Variants in PCDHGB2 observed in about 807,000 individuals in gnomAD.
The protein encoded by PCDHGB2 is protocadherin gamma-B2.
PCDHGB2 carries 55 observed loss-of-function variants against 59.3 expected under a neutral mutation model. The observed-to-expected ratio is 0.93, with a 90% CI of 0.75 to 1.16. The LOEUF (loss-of-function observed/expected upper bound fraction) is 1.16, where lower values mean the gene tolerates loss of function less well. PCDHGB2 is among the 50% of genes most tolerant of loss of function. The pLI is 0.00. For missense variants in PCDHGB2, 1,228 were observed against 1,198.5 expected, an observed-to-expected ratio of 1.02 and a Z score of -0.36; for synonymous variants, 516 against 512.0, an observed-to-expected ratio of 1.01 and a Z score of -0.11.
In PCDHGB2 at chr5:141,414,189, G is replaced by C. The variant is rs1674006167; in HGVS notation, c.2421+51633G>C. ...CATATCTTGCAACTGCAAAAGTGTT[G>C]ATTACAGTAGAAGATGTAAATGACA... On this transcript the variant is annotated intron_variant, in intron 1 of 3. Transcript: ENST00000522605. 3.1e-6 allele frequency: 5 copies of C among 1,609,966 alleles called. No homozygotes were observed. The highest frequency in any genetic ancestry group is 3.4e-6 in the Non-Finnish European group (4 of 1,177,924).
chr5:141,415,967 C>A, intron 1 of PCDHGB2: 1 of 389,100 alleles, frequency 2.6e-6, no homozygotes, highest in Non-Finnish European at 4.2e-6. Context: ...AACTCCAGCC[C>A]CTTAAGCAAC....
At chr5:141,393,243 G>A in intron 1 of PCDHGB2, 4 of 1,613,784 alleles carry the variant, frequency 2.5e-6, no homozygotes, top group Non-Finnish European at 3.4e-6. Flanking sequence ...AAAAATTAAC[G>A]AAATCGCGGT....
chr5:141,380,578 G>A (rs532519748), intron 1 of PCDHGB2, among the ~76,000 whole-genome samples: 19 of 152,144 alleles, frequency 1.2e-4, no homozygotes, highest in African/African-American at 3.4e-4. Flanking sequence ...ATATCTTGGC[G>A]GTCTAGTAAA....
At position 141,431,389 on chromosome 5, in the gene PCDHGB2, G is replaced by A; in HGVS notation, c.2422-63418G>A. 2 of 1,613,876 alleles carry A rather than the reference G, an allele frequency of 1.2e-6. No individual in the cohort carries two copies. The highest frequency in any genetic ancestry group is 1.7e-6 in the Non-Finnish European group (2 of 1,180,040). ...GCGAAGAAAAGGCTGCTCACCACCT[G>A]GTCCTTACGGCCTCCGACGGGGGCG... On this transcript the variant is annotated intron_variant, in intron 1 of 3. Coordinates refer to ENST00000522605, the MANE Select transcript of PCDHGB2 (RefSeq NM_018923.3). This position sits in a 1 kb window ranked among gnomAD's most constrained non-coding sequence, Gnocchi z 4.8.
chr5:141,367,702 CTTAAGG>C (rs1765297530), intron 1 of PCDHGB2: 1 of 151,984 alleles, frequency 6.6e-6, no homozygotes, highest in Admixed American at 6.6e-5. Flanking sequence ...GTAAAGGAAC[CTTAAGG>C]TTGGGCTTCG....
intron 1 of PCDHGB2, among the ~76,000 whole-genome samples, chr5:141,484,720 G>A (rs1458277947): frequency 2.6e-5 from 4 of 151,988 alleles, no homozygotes; most frequent in African/African-American, 7.2e-5. Flanking sequence ...GAAAAGGGGC[G>A]GGGTCAGTCG....
At chr5:141,370,339 ATTAT>A (rs1300420900) in intron 1 of PCDHGB2, 18 of 1,464,644 alleles carry the variant, frequency 1.2e-5, no homozygotes, top group Non-Finnish European at 1.7e-5. Flanking sequence ...AACTCTTGGG[ATTAT>A]TTAAAGATCT....
chr5:141,405,410 TTTTTGTTTTTTG>T lies in PCDHGB2; in HGVS notation c.2421+42864_2421+42875del, dbSNP rs1345529499. 4 of 1,557,296 alleles carry T rather than the reference TTTTTGTTTTTTG, an allele frequency of 2.6e-6. No individual in the cohort carries two copies. In the South Asian group the frequency reaches 4.6e-5, roughly 18 times the overall value. ...ATTTTTTTTCTTTCTTTCTTTTCTT[TTTTTGTTTTTTG>T]TTTTGTTTTGTTTTTGAGACAGAGT... On this transcript the variant is annotated intron_variant, in intron 1 of 3. Transcript: ENST00000522605.
intron 1 of PCDHGB2, among the ~76,000 whole-genome samples, chr5:141,458,412 G>A (rs2098945236): frequency 6.6e-6 from 1 of 152,034 alleles, no homozygotes; most frequent in Non-Finnish European, 1.5e-5. Context: ...ACGGAGCGGG[G>A]GTTCCAAAGC....
At chr5:141,385,542 A>G in intron 1 of PCDHGB2, 1 of 1,327,542 alleles carries the variant, frequency 7.5e-7, no homozygotes. Context: ...GAATATGTGG[A>G]CTATCACATT....
intron 1 of PCDHGB2, chr5:141,395,582 G>T (rs1200378126): frequency 5.5e-6 from 1 of 181,100 alleles, no homozygotes; most frequent in Non-Finnish European, 1.1e-5. Flanking sequence ...GTGTGTGTGT[G>T]TGTGTGTGTA....
In PCDHGB2 at chr5:141,471,046, CTTT is replaced by C. The variant is rs1170588345; in HGVS notation, c.2422-23743_2422-23741del. ...ATTTTTATTAACAAGCCCAAGCCCT[CTTT>C]TTTTTTTTTTTTTTTTTGAGACAGG... On this transcript the variant is annotated intron_variant, in intron 1 of 3. Coordinates refer to ENST00000522605, the MANE Select transcript of PCDHGB2 (RefSeq NM_018923.3). 4.8e-4 allele frequency among the ~76,000 whole-genome samples: 54 copies of C among 113,240 alleles called. 1 individual carries two copies. Among genetic ancestry groups the C allele is most frequent in the Middle Eastern group, 5.2e-3 (1 of 192 alleles). 74.3% of individuals were successfully genotyped at this position (113,240 alleles called of 152,430 possible).
intron 2 of PCDHGB2, among the ~76,000 whole-genome samples, chr5:141,497,603 G>A (rs1045138662): frequency 3.3e-5 from 5 of 149,832 alleles, no homozygotes; most frequent in Non-Finnish European, 7.4e-5. Context: ...GCAGTGGTGC[G>A]ATCTTGGCTC....
At chr5:141,394,348 G>C (rs1376364642) in intron 1 of PCDHGB2, 2 of 1,614,050 alleles carry the variant, frequency 1.2e-6, no homozygotes, top group Non-Finnish European at 1.7e-6. Flanking sequence ...TCTGACACCG[G>C]TGTCCTGTAT....
chr5:141,364,800 C>G (rs2149865831), intron 1 of PCDHGB2: 12 of 1,613,952 alleles, frequency 7.4e-6, no homozygotes, highest in Non-Finnish European at 1.0e-5. Context: ...CTTCCCTTCG[C>G]GCGGGATGCG....
chr5:141,417,869 A>C, intron 1 of PCDHGB2: 2 of 1,553,552 alleles, frequency 1.3e-6, no homozygotes, highest in South Asian at 2.4e-5. Context: ...GATGGGAGGG[A>C]GCTGCGCGCA....
intron 1 of PCDHGB2, chr5:141,410,511 G>C (rs755576652): frequency 6.2e-7 from 1 of 1,613,824 alleles, no homozygotes; most frequent in Non-Finnish European, 8.5e-7. Flanking sequence ...CTAAAATGCA[G>C]TGTGCCCCTA....
At chr5:141,461,501 T>A (rs113852528) in intron 1 of PCDHGB2, among the ~76,000 whole-genome samples, 4 of 152,310 alleles carry the variant, frequency 2.6e-5, no homozygotes, top group South Asian at 2.1e-4. Context: ...TTATTTTTCT[T>A]GGTGATTTGT....
Position 141,477,575 on chromosome 5 carries a change from C to T in PCDHGB2, c.2422-17232C>T. The T allele has an allele frequency of 6.2e-7, 1 of 1,614,176 alleles. No individual in the cohort carries two copies. The highest frequency in any genetic ancestry group is 8.5e-7 in the Non-Finnish European group (1 of 1,180,030). On this transcript the variant is annotated intron_variant, in intron 1 of 3. Coordinates refer to ENST00000522605, the MANE Select transcript of PCDHGB2 (RefSeq NM_018923.3). This position sits in a 1 kb window ranked among gnomAD's most constrained non-coding sequence, Gnocchi z 4.9. ...CCTAAGTGTCTGGGACCCCGACGCC[C>T]CGCAGAATGCTCGGCTTTCTTTCTT... is the stretch of plus-strand genomic sequence containing the variant.
Sources: allele counts gnomAD v4.1 joint callset (sites outside exome capture counted in the v4.1 genomes callset), GRCh38; gene constraint gnomAD v4.1.1; non-coding constraint Gnocchi (gnomAD v3.1); transcripts MANE v1.5; gene names NCBI Gene and HGNC (gene_info 2026-07-23, HGNC 2026-07-21).